Variants in RPH3A observed in about 807,000 individuals in gnomAD.
The protein encoded by RPH3A is rabphilin-3A.
A neutral mutation model predicts 102.2 loss-of-function variants in RPH3A; 48 were observed. The observed-to-expected ratio is 0.47, with a 90% CI of 0.37 to 0.60. The LOEUF is 0.60. RPH3A is among the 20% of genes least tolerant of loss of function. RPH3A has a pLI of 0.00. For synonymous variants in RPH3A, 310 were observed against 324.3 expected, an observed-to-expected ratio of 0.96 and a Z score of 0.47; for missense variants, 781 against 910.1, an observed-to-expected ratio of 0.86 and a Z score of 1.83.
At chr12:112,659,725 A>T (rs2040036744) in intron 1 of RPH3A, among the ~76,000 whole-genome samples, 1 of 152,166 alleles carries the variant, frequency 6.6e-6, no homozygotes, top group Non-Finnish European at 1.5e-5. Context: ...CCATCAGTTG[A>T]TCACTGTATG....
intron 2 of RPH3A, among the ~76,000 whole-genome samples, chr12:112,812,095 G>A (rs1593030241): frequency 6.6e-6 from 1 of 151,872 alleles, no homozygotes; most frequent in East Asian, 1.9e-4. Context: ...TGCAACAAAA[G>A]TCTGAGCATT....
intron 1 of RPH3A, among the ~76,000 whole-genome samples, chr12:112,689,124 G>A (rs2040288360): frequency 6.6e-6 from 1 of 152,208 alleles, no homozygotes; most frequent in Non-Finnish European, 1.5e-5. Flanking sequence ...CAGATGAGAA[G>A]TTGCAAACTC....
At chr12:112,730,465 A>G (rs1402425681) in intron 1 of RPH3A, among the ~76,000 whole-genome samples, 1 of 152,190 alleles carries the variant, frequency 6.6e-6, no homozygotes, top group African/African-American at 2.4e-5. Flanking sequence ...TATGATATAA[A>G]GGCTTGGCCA....
chr12:112,706,126 C>T (rs1042914581), intron 1 of RPH3A, among the ~76,000 whole-genome samples: 2 of 152,262 alleles, frequency 1.3e-5, no homozygotes, highest in Non-Finnish European at 1.5e-5. Context: ...ACTTTTGGTG[C>T]CTCTCCCATA....
intron 4 of RPH3A, among the ~76,000 whole-genome samples, chr12:112,838,887 T>A (rs1170596724): frequency 6.6e-6 from 1 of 152,112 alleles, no homozygotes; most frequent in Non-Finnish European, 1.5e-5. Context: ...TGTCTCGGGG[T>A]CCACCAATGC....
intron 19 of RPH3A, among the ~76,000 whole-genome samples, chr12:112,892,381 T>C (rs1274597298): frequency 3.9e-5 from 6 of 152,216 alleles, no homozygotes; most frequent in African/African-American, 1.4e-4. Context: ...CAGACCTTGC[T>C]ACAGGTATGA....
intron 2 of RPH3A, among the ~76,000 whole-genome samples, chr12:112,802,829 C>T (rs1180355451): frequency 6.6e-6 from 1 of 152,014 alleles, no homozygotes; most frequent in African/African-American, 2.4e-5. Context: ...CCCAGGGCCT[C>T]TGTCCTCTCC....
At chr12:112,678,285 GAA>G (rs869264548) in intron 1 of RPH3A, among the ~76,000 whole-genome samples, 1,151 of 80,856 alleles carry the variant, frequency 0.014, 131 homozygotes, top group African/African-American at 0.031. Context: ...AAGAAAGAAA[GAA>G]AGAAAGAAAG....
At chr12:112,880,113 T>C (rs2042881196) in intron 14 of RPH3A, among the ~76,000 whole-genome samples, 1 of 152,158 alleles carries the variant, frequency 6.6e-6, no homozygotes, top group Non-Finnish European at 1.5e-5. Context: ...TTAACACAAC[T>C]CTTAGACCAA....
In RPH3A at chr12:112,898,323, A is replaced by C. The variant is rs1396515895; in HGVS notation, c.*1543A>C. Reference sequence around the variant, plus strand: ...CTGTGAGAAAGGTTCGATTTTCCCAATTTTGATGAAGTCTTCCCTCATGAA... The same window carrying C: ...CTGTGAGAAAGGTTCGATTTTCCCACTTTTGATGAAGTCTTCCCTCATGAA... On this transcript the variant is annotated 3_prime_UTR_variant, in exon 22 of 22. Transcript: ENST00000389385. 6.6e-6 allele frequency: 1 copy of C among 152,204 alleles called. No individual in the cohort carries two copies. Among genetic ancestry groups the C allele is most frequent in the East Asian group, 1.9e-4 (1 of 5,200 alleles). 9.4% of individuals were successfully genotyped at this position (152,204 alleles called of 1,614,324 possible).
intron 1 of RPH3A, among the ~76,000 whole-genome samples, chr12:112,646,525 A>G (rs2039931903): frequency 6.6e-6 from 1 of 152,114 alleles, no homozygotes. Context: ...TGGCAGTTGG[A>G]GGCTCTCAGC....
chr12:112,869,987 A>G lies in RPH3A; in HGVS notation c.744A>G (p.Ser248=), dbSNP rs376018956. The stretch of plus-strand genomic sequence containing the variant: ...GAATGAGCTCATCTAGCCGAGATTC[A>G]GAGAGCTGGGACCACAGTGGGGGTG... ...EARMSSSSRD[S]ESWDHSGGAG... Residue 248 remains serine (S), a synonymous_variant, in exon 10 of 22, where the codon TCA becomes TCG. Transcript: ENST00000389385. The G allele has an allele frequency of 1.9e-6, 3 of 1,614,032 alleles. No homozygotes were observed. Among genetic ancestry groups the G allele is most frequent in the African/African-American group, 2.7e-5 (2 of 74,924 alleles).
At position 112,896,844 on chromosome 12, in the gene RPH3A, G is replaced by A. The variant is rs531358766; in HGVS notation, c.*64G>A. 1.2e-4 allele frequency: 190 copies of A among 1,584,646 alleles called. No individual in the cohort carries two copies. Among genetic ancestry groups the A allele is most frequent in the African/African-American group, 4.0e-4 (30 of 74,292 alleles). ...CCCCAGCCTGCTCTAGCTGCCCACC[G>A]CACCCTGATCTCTCTTCTCTATGCC... On this transcript the variant is annotated 3_prime_UTR_variant, in exon 22 of 22. Transcript: ENST00000389385.
intron 1 of RPH3A, among the ~76,000 whole-genome samples, chr12:112,631,413 T>C (rs2039803952): frequency 1.3e-5 from 2 of 152,206 alleles, no homozygotes; most frequent in Non-Finnish European, 2.9e-5. Flanking sequence ...ACGGAGTTTC[T>C]GTTTTTCAAT....
At chr12:112,609,651 T>G (rs1372148953) in intron 1 of RPH3A, among the ~76,000 whole-genome samples, 1 of 152,172 alleles carries the variant, frequency 6.6e-6, no homozygotes, top group Non-Finnish European at 1.5e-5. Context: ...GAGACTGGAT[T>G]TGGTCTGTTT....
rs765194169 is a variant in RPH3A, at chr12:112,879,214, C to T, written c.1251+16C>T. The T allele has an allele frequency of 3.7e-6, 6 of 1,608,954 alleles. No homozygotes were observed. The South Asian group carries it at 6.6e-5, about 18-fold the overall frequency. ...TAAGGCCAAGGTGGGTGATGGGGACCATGCAGGGAACCTCTCAGGATGCTC... is the reference window on the plus strand; with the variant it reads ...TAAGGCCAAGGTGGGTGATGGGGACTATGCAGGGAACCTCTCAGGATGCTC... On this transcript the variant is annotated intron_variant, in intron 14 of 21. Transcript: ENST00000389385.
intron 1 of RPH3A, among the ~76,000 whole-genome samples, chr12:112,678,929 T>C (rs1264802834): frequency 6.6e-6 from 1 of 152,158 alleles, no homozygotes; most frequent in Non-Finnish European, 1.5e-5. Context: ...ATATTTTTCT[T>C]CTGTTTTTCT....
intron 5 of RPH3A, among the ~76,000 whole-genome samples, chr12:112,853,644 C>A (rs1477938876): frequency 6.6e-6 from 1 of 152,114 alleles, no homozygotes; most frequent in African/African-American, 2.4e-5. Context: ...GCCTGGCCAA[C>A]ATGGTGAAAT....
rs576892144 is a variant in RPH3A, at chr12:112,849,671, C to T, written c.230+1829C>T. Among the ~76,000 whole-genome samples, 6 of 152,250 alleles carry T rather than the reference C, an allele frequency of 3.9e-5. No individual in the cohort carries two copies. In the East Asian group the frequency reaches 1.2e-3, roughly 29 times the overall value. On this transcript the variant is annotated intron_variant, in intron 5 of 21. Transcript: ENST00000389385. ...GGTAGGTATTTTTGCCGGTTTTGTT[C>T]ACTGCCATATTCCCAAAGCCTGGTA... is the stretch of plus-strand genomic sequence containing the variant.
Sources: gnomAD v4.1 joint callset for allele counts (sites outside exome capture counted in the v4.1 genomes callset) on GRCh38, gnomAD v4.1.1 for gene constraint, MANE v1.5 for transcripts, NCBI Gene and HGNC (gene_info 2026-07-23, HGNC 2026-07-21) for gene names.